Variants in DMD observed in about 807,000 individuals in gnomAD.
DMD encodes dystrophin, also known as mutant dystrophin.
Under a neutral mutation model 330.1 loss-of-function variants are expected in DMD, and 63 were observed. The observed-to-expected ratio is 0.19, with a 90% CI of 0.16 to 0.24. The LOEUF (loss-of-function observed/expected upper bound fraction) is 0.24, where lower values mean the gene tolerates loss of function less well. Among genes scored for constraint, DMD ranks in the 10% least tolerant of loss-of-function variants. DMD has a pLI of 1.00. For synonymous variants in DMD, 1,223 were observed against 959.8 expected (o/e 1.27, Z -5.07); for missense variants, 3,344 against 2,684.1 (o/e 1.25, Z -5.43).
chrX:32,027,540 C>T (rs928496323), intron 44 of DMD, among the ~76,000 whole-genome samples: 2 of 111,405 alleles, frequency 1.8e-5, no homozygotes, highest in African/African-American at 3.3e-5. Flanking sequence ...AGGGTTATAG[C>T]CCCACCATAG....
chrX:32,126,338 G>C (rs1171369232), intron 44 of DMD, among the ~76,000 whole-genome samples: 1 of 111,960 alleles, frequency 8.9e-6, no homozygotes, highest in Non-Finnish European at 1.9e-5. Flanking sequence ...GTAAAAACTT[G>C]ACATAGACGG....
At chrX:31,746,117 C>T (rs1034323608) in intron 51 of DMD, among the ~76,000 whole-genome samples, 6 of 112,176 alleles carry the variant, frequency 5.3e-5, no homozygotes, top group Admixed American at 2.8e-4. Flanking sequence ...AACCTTTTCA[C>T]GTTTTAAAAA....
chrX:31,556,518 C>CAA (rs56984431), intron 55 of DMD, among the ~76,000 whole-genome samples: 1,457 of 62,881 alleles, frequency 0.023, 29 homozygotes, highest in African/African-American at 0.067. Flanking sequence ...GTGAAAAAAG[C>CAA]AAAAAAAAAA....
rs767691858 is a variant in DMD at position 32,071,437 on chromosome X, T to G, written c.6439-102923A>C. On this transcript the variant is annotated intron_variant, in intron 44 of 78. Transcript: ENST00000357033. ...AAAACCAAACACCGCATGTTCTCGC[T>G]CATAGGTGGGAATTGAACAATGAGA... 5.1e-5 allele frequency among the ~76,000 whole-genome samples: 5 copies of G among 97,328 alleles called. No individual in the cohort carries two copies. The South Asian group carries it at 2.5e-3, about 48-fold the overall frequency. 84.5% of individuals were successfully genotyped at this position (97,328 alleles called of 115,157 possible).
intron 7 of DMD, among the ~76,000 whole-genome samples, chrX:32,724,910 G>A (rs1027412781): frequency 9.0e-6 from 1 of 111,621 alleles, no homozygotes; most frequent in Non-Finnish European, 1.9e-5. Context: ...AAAAAAGAGA[G>A]CTACCAAAAC....
At chrX:32,776,710 T>G (rs1290047954) in intron 7 of DMD, among the ~76,000 whole-genome samples, 2 of 111,814 alleles carry the variant, frequency 1.8e-5, no homozygotes, top group Non-Finnish European at 3.8e-5. Context: ...CAATTTGAGA[T>G]GAGACTTGGG....
At chrX:31,838,424 C>T (rs1033326583) in intron 48 of DMD, among the ~76,000 whole-genome samples, 1 of 111,942 alleles carries the variant, frequency 8.9e-6, no homozygotes, top group Non-Finnish European at 1.9e-5. Flanking sequence ...GCCAAATATA[C>T]ATGTACAATG....
chrX:33,325,171 A>G (rs2054072011), intron 1 of DMD, among the ~76,000 whole-genome samples: 1 of 112,029 alleles, frequency 8.9e-6, no homozygotes, highest in Non-Finnish European at 1.9e-5. Context: ...TCCACTATGT[A>G]TAAAAAGGAC....
chrX:32,669,019 G>A (rs1055516967), intron 9 of DMD, among the ~76,000 whole-genome samples: 28 of 110,330 alleles, frequency 2.5e-4, no homozygotes, highest in Admixed American at 1.1e-3. Context: ...AGGAATTTAC[G>A]GTGTACTGTA....
intron 2 of DMD, among the ~76,000 whole-genome samples, chrX:33,009,302 ATACACATG>A (rs2093531722): frequency 1.5e-5 from 1 of 67,538 alleles, no homozygotes; most frequent in Non-Finnish European, 2.8e-5. Context: ...ATATGTGTAT[ATACACATG>A]TGTGTATATG....
At chrX:32,884,341 A>T (rs1170588620) in intron 2 of DMD, among the ~76,000 whole-genome samples, 4 of 111,704 alleles carry the variant, frequency 3.6e-5, no homozygotes, top group Non-Finnish European at 7.5e-5. Flanking sequence ...GTGACAGTTA[A>T]GTGGCAGGGA....
intron 43 of DMD, among the ~76,000 whole-genome samples, chrX:32,261,609 G>A (rs1221351911): frequency 1.2e-4 from 13 of 111,778 alleles, no homozygotes; most frequent in Admixed American, 7.6e-4. Flanking sequence ...TTGTGAATTC[G>A]TTATTTCTTT....
At chrX:31,646,063 C>A (rs771018731) in intron 54 of DMD, among the ~76,000 whole-genome samples, 5 of 112,130 alleles carry the variant, frequency 4.5e-5, no homozygotes, top group Non-Finnish European at 9.4e-5. Context: ...TATCACCAAC[C>A]TGTTCCTGAA....
At position 32,136,888 on chromosome X, in the gene DMD, T is replaced by A. The variant is rs770306767; in HGVS notation, c.6438+80028A>T. 8.6e-3 allele frequency among the ~76,000 whole-genome samples: 945 copies of A among 109,292 alleles called. 6 individuals carry two copies. Among genetic ancestry groups the A allele is most frequent in the African/African-American group, 0.03 (903 of 29,874 alleles). 94.9% of individuals were successfully genotyped at this position (109,292 alleles called of 115,157 possible). On this transcript the variant is annotated intron_variant, in intron 44 of 78. Coordinates refer to ENST00000357033, the MANE Select transcript of DMD (RefSeq NM_004006.3). Reference sequence around the variant, plus strand: ...GTGGGGGGAAGGGGGAGGGATAGCATTGGGAGATTTACCTTAAGCTAGATG... The same window carrying A: ...GTGGGGGGAAGGGGGAGGGATAGCAATGGGAGATTTACCTTAAGCTAGATG...
intron 55 of DMD, among the ~76,000 whole-genome samples, chrX:31,610,173 A>T (rs1453543897): frequency 9.0e-6 from 1 of 110,503 alleles, no homozygotes; most frequent in African/African-American, 3.3e-5. Flanking sequence ...ATTATTTTCC[A>T]TTTTAATCAC....
intron 41 of DMD, among the ~76,000 whole-genome samples, chrX:32,327,051 G>C (rs193155616): frequency 9.1e-6 from 1 of 109,471 alleles, no homozygotes; most frequent in East Asian, 2.9e-4. Context: ...TCTCATCTGT[G>C]TTGCCCTGTG....
chrX:33,319,920 T>C (rs1193030981), intron 1 of DMD, among the ~76,000 whole-genome samples: 4 of 111,867 alleles, frequency 3.6e-5, no homozygotes, highest in Non-Finnish European at 7.5e-5. Flanking sequence ...AGGTAAAATA[T>C]ATATATTTCC....
At chrX:31,275,471 G>A (rs916845130) in intron 62 of DMD, among the ~76,000 whole-genome samples, 5 of 111,059 alleles carry the variant, frequency 4.5e-5, no homozygotes, top group Admixed American at 9.7e-5. Flanking sequence ...CTTCACGTGG[G>A]AATTGAAGTC....
At chrX:32,312,942 CAAAA>C (rs767993498) in intron 41 of DMD, among the ~76,000 whole-genome samples, 3 of 20,377 alleles carry the variant, frequency 1.5e-4, no homozygotes, top group South Asian at 7.8e-3. Context: ...GCCTACGAAC[CAAAA>C]AAAAAAAAAA....
Sources: allele counts gnomAD v4.1 joint callset (sites outside exome capture counted in the v4.1 genomes callset), GRCh38; gene constraint gnomAD v4.1.1; transcripts MANE v1.5; gene names NCBI Gene and HGNC (gene_info 2026-07-23, HGNC 2026-07-21).